The following NPSR1 variants were observed in gnomAD, a reference collection of about 807,000 sequenced individuals.
NPSR1 encodes neuropeptide S receptor 1.
A neutral mutation model predicts 46.9 loss-of-function variants in NPSR1; 48 were observed. The ratio of observed to expected loss-of-function variants is 1.02; its 90% CI spans 0.81 to 1.30. The LOEUF (loss-of-function observed/expected upper bound fraction) is 1.30, where lower values mean the gene tolerates loss of function less well. NPSR1 is among the 50% of genes most tolerant of loss of function. The pLI is 0.00. For synonymous variants in NPSR1, 176 were observed against 168.1 expected (o/e 1.05, Z -0.36); for missense variants, 450 against 449.5 (o/e 1.00, Z -0.01).
At chr7:34,846,589 T>A (rs1790748794) in intron 7 of NPSR1, among the ~76,000 whole-genome samples, 1 of 152,038 alleles carries the variant, frequency 6.6e-6, no homozygotes, top group Non-Finnish European at 1.5e-5. Flanking sequence ...AATAATGAAG[T>A]AGTCACACCT....
intron 5 of NPSR1, among the ~76,000 whole-genome samples, chr7:34,828,396 A>T (rs1051768023): frequency 1.3e-5 from 2 of 152,230 alleles, no homozygotes; most frequent in Non-Finnish European, 2.9e-5. Context: ...CCTGCAGCCA[A>T]TGGTGAGCTG....
chr7:34,861,232 G>A (rs1791185629), intron 8 of NPSR1, among the ~76,000 whole-genome samples: 1 of 151,958 alleles, frequency 6.6e-6, no homozygotes, highest in African/African-American at 2.4e-5. Context: ...GCATTTGCCA[G>A]GGTTCTGAGT....
Position 34,849,563 on chromosome 7 carries a change from A to C in NPSR1, c.1026-2A>C. On this transcript the variant is annotated splice_acceptor_variant, in intron 8 of 8. Coordinates refer to ENST00000360581, the MANE Select transcript of NPSR1 (RefSeq NM_207172.2). LOFTEE classifies it high-confidence loss of function. ...TCCCTGCTTTATTTTGACTTTCTCC[A>C]GGGAGCAAAGATCACAGGATTCCAG... 1.2e-6 allele frequency: 2 copies of C among 1,614,078 alleles called. No individual in the cohort carries two copies. Among genetic ancestry groups the C allele is most frequent in the Non-Finnish European group, 1.7e-6 (2 of 1,179,926 alleles).
At chr7:34,733,343 C>T (rs573610468) in intron 2 of NPSR1, among the ~76,000 whole-genome samples, 2 of 150,590 alleles carry the variant, frequency 1.3e-5, no homozygotes, top group African/African-American at 2.4e-5. Context: ...TGCTTGAACT[C>T]GGGAGGTGGA....
chr7:34,677,396 G>A (rs1792372360), intron 1 of NPSR1, among the ~76,000 whole-genome samples: 1 of 152,304 alleles, frequency 6.6e-6, no homozygotes, highest in Middle Eastern at 3.4e-3. Context: ...ATGAGGAAAG[G>A]AGAACATGAA....
chr7:34,860,105 T>A (rs1185654437), intron 8 of NPSR1, among the ~76,000 whole-genome samples: 1 of 151,844 alleles, frequency 6.6e-6, no homozygotes, highest in Non-Finnish European at 1.5e-5. Flanking sequence ...AGATGGACTT[T>A]AATCTAATGT....
At chr7:34,845,807 T>C (rs1790721068) in intron 7 of NPSR1, among the ~76,000 whole-genome samples, 1 of 151,884 alleles carries the variant, frequency 6.6e-6, no homozygotes, top group Non-Finnish European at 1.5e-5. Flanking sequence ...TTAACATTTG[T>C]CGAATGAATG....
intron 2 of NPSR1, among the ~76,000 whole-genome samples, chr7:34,712,925 C>T (rs545109868): frequency 4.2e-4 from 64 of 152,310 alleles, no homozygotes; most frequent in African/African-American, 1.5e-3. Flanking sequence ...AATTCTCTCA[C>T]TGGATGGTAC....
At chr7:34,770,235 T>C (rs538182672) in intron 2 of NPSR1, among the ~76,000 whole-genome samples, 1 of 152,182 alleles carries the variant, frequency 6.6e-6, no homozygotes, top group Non-Finnish European at 1.5e-5. Flanking sequence ...CCAAGTCCAT[T>C]CCGTTCATTC....
rs1391044921 is a variant in NPSR1, at chr7:34,699,741, C to T, written c.280+15057C>T. On this transcript the variant is annotated intron_variant, in intron 2 of 8. Transcript: ENST00000360581. ...CCACCCTTGTTAACCTTAATTATTT[C>T]CACAGAGGTCATATGTTCAAATACA... Among the ~76,000 whole-genome samples, 5 of 152,224 alleles carry T rather than the reference C, an allele frequency of 3.3e-5. No homozygotes were observed. In the East Asian group the frequency reaches 7.7e-4, roughly 24 times the overall value.
At chr7:34,775,749 ATTAT>A (rs1382721708) in intron 2 of NPSR1, among the ~76,000 whole-genome samples, 1 of 151,806 alleles carries the variant, frequency 6.6e-6, no homozygotes, top group Admixed American at 6.6e-5. Flanking sequence ...TCTGATATTT[ATTAT>A]TTATTTTCTG....
intron 2 of NPSR1, among the ~76,000 whole-genome samples, chr7:34,754,237 G>A (rs980321945): frequency 1.3e-5 from 2 of 151,992 alleles, no homozygotes; most frequent in Non-Finnish European, 2.9e-5. Flanking sequence ...AATAAGACAA[G>A]AAATACAATA....
chr7:34,861,041 C>T (rs927081495), intron 8 of NPSR1, among the ~76,000 whole-genome samples: 8 of 151,836 alleles, frequency 5.3e-5, no homozygotes, highest in African/African-American at 1.5e-4. Flanking sequence ...CTGGTGAAAG[C>T]GCTAACTTAT....
chr7:34,747,048 C>G (rs1314461956), intron 2 of NPSR1, among the ~76,000 whole-genome samples: 1 of 149,872 alleles, frequency 6.7e-6, no homozygotes, highest in Admixed American at 6.7e-5. Context: ...TCACTTGAAC[C>G]TGGGAGGTGG....
At chr7:34,876,503 T>C (rs1791577576) in intron 8 of NPSR1, among the ~76,000 whole-genome samples, 1 of 152,190 alleles carries the variant, frequency 6.6e-6, no homozygotes. Flanking sequence ...AACTAGTACA[T>C]ACAGCACCGC....
chr7:34,670,852 TA>T (rs1792015223), intron 1 of NPSR1, among the ~76,000 whole-genome samples: 1 of 151,888 alleles, frequency 6.6e-6, no homozygotes, highest in African/African-American at 2.4e-5. Flanking sequence ...AAATAATATA[TA>T]AAGCACAGAA....
chr7:34,756,154 G>C (rs182902554), intron 2 of NPSR1, among the ~76,000 whole-genome samples: 3 of 152,244 alleles, frequency 2.0e-5, no homozygotes, highest in Admixed American at 6.5e-5. Flanking sequence ...GCTCAGTCCA[G>C]CTCAACAGCT....
rs1562701738 is a variant in NPSR1, at chr7:34,751,011, G to T, written c.281-27451G>T. Reference sequence around the variant, plus strand: ...GAAGAGCTCATTGAAGAACTTCTTGGCCAGGGCAGCAATTTGAGACTCAGG... The same window carrying T: ...GAAGAGCTCATTGAAGAACTTCTTGTCCAGGGCAGCAATTTGAGACTCAGG... On this transcript the variant is annotated intron_variant, in intron 2 of 8. Transcript: ENST00000360581. The T allele has an allele frequency of 9.1e-6, 7 of 770,594 alleles. No individual in the cohort carries two copies. The Middle Eastern group carries it at 1.4e-3, about 156-fold the overall frequency. 47.7% of individuals were successfully genotyped at this position (770,594 alleles called of 1,614,324 possible). A position where few individuals can be genotyped will look rare whatever the true frequency, so the allele number is the denominator to read the frequency against.
At chr7:34,758,753 A>T (rs1244518121) in intron 2 of NPSR1, among the ~76,000 whole-genome samples, 1 of 152,190 alleles carries the variant, frequency 6.6e-6, no homozygotes, top group Non-Finnish European at 1.5e-5. Context: ...CTACCTATCC[A>T]TCCATCTAAA....
Sources: gnomAD v4.1 joint callset for allele counts (sites outside exome capture counted in the v4.1 genomes callset) on GRCh38, gnomAD v4.1.1 for gene constraint, MANE v1.5 for transcripts, NCBI Gene and HGNC (gene_info 2026-07-23, HGNC 2026-07-21) for gene names.